The following SLC24A2 variants were observed in gnomAD, a reference collection of about 807,000 sequenced individuals.
SLC24A2 encodes sodium/potassium/calcium exchanger 2.
A neutral mutation model predicts 62.0 loss-of-function variants in SLC24A2; 36 were observed. The observed-to-expected ratio is 0.58, with a 90% CI of 0.44 to 0.77. SLC24A2 has a LOEUF of 0.77. SLC24A2 is among the 30% of genes least tolerant of loss of function. The probability of loss-of-function intolerance (pLI) is 0.00; values close to 1 mark genes in which losing one functional copy is unlikely to be tolerated. For missense variants in SLC24A2, 846 were observed against 817.9 expected (o/e 1.03, Z -0.42); for synonymous variants, 358 against 294.0 (o/e 1.22, Z -2.23).
the SLC24A2 span, among the ~76,000 whole-genome samples, chr9:20,077,207 G>A: frequency 6.6e-6 from 1 of 151,930 alleles, no homozygotes; most frequent in Non-Finnish European, 1.5e-5. Context: ...GGGTGAAGGA[G>A]TCTAGAGATC....
the SLC24A2 span, among the ~76,000 whole-genome samples, chr9:19,961,947 C>G: frequency 3.3e-5 from 5 of 152,180 alleles, no homozygotes; most frequent in Admixed American, 6.5e-5. Flanking sequence ...CCAGATAAAC[C>G]ACTCCTAGAT....
chr9:19,689,505 C>T (rs952220624), intron 2 of SLC24A2, among the ~76,000 whole-genome samples: 3 of 152,124 alleles, frequency 2.0e-5, no homozygotes, highest in Admixed American at 6.6e-5. Flanking sequence ...CATTTTCCTA[C>T]AGAGTACGGG....
At chr9:20,203,176 T>G in the SLC24A2 span, among the ~76,000 whole-genome samples, 1 of 151,822 alleles carries the variant, frequency 6.6e-6, no homozygotes, top group African/African-American at 2.4e-5. Context: ...ACAGCTTAGT[T>G]ACCAAATCTA....
chr9:19,775,676 A>G (rs1304359280), intron 2 of SLC24A2, among the ~76,000 whole-genome samples: 1 of 152,210 alleles, frequency 6.6e-6, no homozygotes, highest in Non-Finnish European at 1.5e-5. Context: ...ACTAAAAGGA[A>G]AAGCTGAGGG....
chr9:20,189,076 CTTTTTTT>C, the SLC24A2 span, among the ~76,000 whole-genome samples: 2 of 96,532 alleles, frequency 2.1e-5, no homozygotes, highest in African/African-American at 4.6e-5. Context: ...CTTTTTTTTT[CTTTTTTT>C]TTTTTTTTTC....
rs533450153 is a variant in SLC24A2, at chr9:19,724,175, C to T, written c.930+61762G>A. Among the ~76,000 whole-genome samples, 5 of 152,250 alleles carry T rather than the reference C, an allele frequency of 3.3e-5. No individual in the cohort carries two copies. The East Asian group carries it at 7.7e-4, about 24-fold the overall frequency. Reference sequence around the variant, plus strand: ...TTTGGAGAAGAATTTAAGAGCAAGTCCTTCTGGAAGACTTCTTTTTTGGAT... The same window carrying T: ...TTTGGAGAAGAATTTAAGAGCAAGTTCTTCTGGAAGACTTCTTTTTTGGAT... On this transcript the variant is annotated intron_variant, in intron 2 of 10. Transcript: ENST00000341998.
chr9:20,188,607 T>C, the SLC24A2 span, among the ~76,000 whole-genome samples: 1 of 152,180 alleles, frequency 6.6e-6, no homozygotes, highest in Admixed American at 6.5e-5. Flanking sequence ...ATGATCTTGG[T>C]GGGCTTGATG....
chr9:20,297,821 AACATCCTTTGCTC>A, the SLC24A2 span, among the ~76,000 whole-genome samples: 1 of 152,226 alleles, frequency 6.6e-6, no homozygotes, highest in African/African-American at 2.4e-5. Context: ...CCAGGGACGG[AACATCCTTTGCTC>A]ACAGCCCCAC....
At chr9:19,528,870 T>C (rs1281043038) in intron 8 of SLC24A2, among the ~76,000 whole-genome samples, 1 of 152,128 alleles carries the variant, frequency 6.6e-6, no homozygotes, top group African/African-American at 2.4e-5. Flanking sequence ...CCAAAATATA[T>C]TATGTTCAAT....
At chr9:20,275,100 G>A in the SLC24A2 span, among the ~76,000 whole-genome samples, 14 of 151,972 alleles carry the variant, frequency 9.2e-5, no homozygotes, top group Non-Finnish European at 2.1e-4. Context: ...CAGCCAGTAG[G>A]ATTCCCCTTC....
At chr9:20,175,171 G>A in the SLC24A2 span, among the ~76,000 whole-genome samples, 1 of 151,890 alleles carries the variant, frequency 6.6e-6, no homozygotes, top group African/African-American at 2.4e-5. Context: ...ACTCGTAAGT[G>A]GGAGCTAAGC....
the SLC24A2 span, among the ~76,000 whole-genome samples, chr9:20,201,237 G>T: frequency 6.6e-6 from 1 of 152,174 alleles, no homozygotes; most frequent in Non-Finnish European, 1.5e-5. Context: ...TTCATCCCAT[G>T]GCTTTAATCC....
chr9:19,594,405 T>C (rs978888329), intron 5 of SLC24A2, among the ~76,000 whole-genome samples: 2 of 152,228 alleles, frequency 1.3e-5, no homozygotes, highest in Non-Finnish European at 2.9e-5. Context: ...CATCTTTCAG[T>C]TCTTTTTTGG....
chr9:19,636,825 T>C (rs1457136970), intron 2 of SLC24A2, among the ~76,000 whole-genome samples: 1 of 152,132 alleles, frequency 6.6e-6, no homozygotes, highest in Non-Finnish European at 1.5e-5. Context: ...TTTGTGTGTA[T>C]ACAAACTTTT....
intron 5 of SLC24A2, among the ~76,000 whole-genome samples, chr9:19,594,258 C>A (rs1563987475): frequency 6.6e-6 from 1 of 152,120 alleles, no homozygotes. Context: ...TCCCCCCAGT[C>A]TGTAAATTCC....
the SLC24A2 span, among the ~76,000 whole-genome samples, chr9:19,851,369 G>A: frequency 6.6e-5 from 10 of 152,152 alleles, no homozygotes; most frequent in Middle Eastern, 6.8e-3. Context: ...AAGTACATGT[G>A]CAGGATGTGC....
the SLC24A2 span, among the ~76,000 whole-genome samples, chr9:19,986,129 T>C: frequency 2.0e-5 from 3 of 152,008 alleles, no homozygotes; most frequent in South Asian, 2.1e-4. Flanking sequence ...AGGACTTAAA[T>C]AGAAATTTCT....
the SLC24A2 span, among the ~76,000 whole-genome samples, chr9:20,020,413 C>T: frequency 2.0e-3 from 298 of 152,274 alleles, 1 homozygote; most frequent in Non-Finnish European, 3.3e-3. Context: ...GAGTTCATGT[C>T]CTTTGCAAGG....
the SLC24A2 span, among the ~76,000 whole-genome samples, chr9:20,137,033 T>A: frequency 6.6e-6 from 1 of 152,144 alleles, no homozygotes. Context: ...TGGAGGCACA[T>A]CTCACACAAG....
Sources: gnomAD v4.1 joint callset for allele counts (sites outside exome capture counted in the v4.1 genomes callset) on GRCh38, gnomAD v4.1.1 for gene constraint, MANE v1.5 for transcripts, NCBI Gene and HGNC (gene_info 2026-07-23, HGNC 2026-07-21) for gene names.